The following ANKRD30A variants were observed in gnomAD, a reference collection of about 807,000 sequenced individuals.
ANKRD30A encodes the protein ankyrin repeat domain-containing protein 30A.
A neutral mutation model predicts 166.3 loss-of-function variants in ANKRD30A; 170 were observed. The ratio of observed to expected loss-of-function variants is 1.02; its 90% CI spans 0.90 to 1.16. ANKRD30A has a LOEUF of 1.16. ANKRD30A is among the 50% of genes most tolerant of loss of function. The probability of loss-of-function intolerance (pLI) is 0.00; values close to 1 mark genes in which losing one functional copy is unlikely to be tolerated. For missense variants in ANKRD30A, 1,630 were observed against 1,518.0 expected, an observed-to-expected ratio of 1.07 and a Z score of -1.23; for synonymous variants, 564 against 508.9, an observed-to-expected ratio of 1.11 and a Z score of -1.46.
At chr10:37,252,967 A>G in the ANKRD30A span, among the ~76,000 whole-genome samples, 256 of 152,334 alleles carry the variant, frequency 1.7e-3, 1 homozygote, top group Non-Finnish European at 2.8e-3. Flanking sequence ...TAGTCTAAGA[A>G]TCAACCAGCA....
chr10:37,229,511 A>C (rs1348463971), intron 34 of ANKRD30A, among the ~76,000 whole-genome samples: 1 of 151,978 alleles, frequency 6.6e-6, no homozygotes, highest in African/African-American at 2.4e-5. Context: ...GAACATTTCC[A>C]ATCCTCTCTT....
intron 33 of ANKRD30A, 81 bp downstream of exon 33, chr10:37,217,959 T>C (rs1255455108): frequency 2.9e-6 from 3 of 1,043,004 alleles, no homozygotes; most frequent in Non-Finnish European, 3.9e-6. Context: ...TGATTTAGTA[T>C]GTATTATTCA....
chr10:37,248,382 C>G, the ANKRD30A span: 2 of 322,216 alleles, frequency 6.2e-6, no homozygotes, highest in Non-Finnish European at 1.2e-5. Flanking sequence ...CATCCCAGCA[C>G]ACACAGCAAG....
rs2132534532 is a variant in ANKRD30A, at chr10:37,142,225, A to G, written c.1328A>G (p.Glu443Gly). 6.2e-7 allele frequency: 1 copy of G among 1,608,240 alleles called. No individual in the cohort carries two copies. The highest frequency in any genetic ancestry group is 1.7e-5 in the Admixed American group (1 of 58,542). ...RVTSNKTKVL[E>G]KGRSKMIACP... The stretch of plus-strand genomic sequence containing the variant: ...ACATCTAATAAAACTAAAGTTTTGG[A>G]AAAAGGAAGATCTAAGATGATTGCA... Residue 443 changes from glutamate to glycine, a missense_variant, in exon 7 of 36, where the codon GAA becomes GGA. Glu to Gly is a moderately conservative substitution (Grantham distance 98, BLOSUM62 -2). Transcript: ENST00000361713.
At chr10:37,165,217 G>A in intron 18 of ANKRD30A, 62 bp downstream of exon 18, 1 of 1,464,500 alleles carries the variant, frequency 6.8e-7, no homozygotes, top group African/African-American at 1.4e-5. Flanking sequence ...CATAAAATCA[G>A]ATGCTTAGTC....
At chr10:37,232,695 A>ATATATATATAT (rs1564604874), downstream of ANKRD30A, 50 of 10,782 alleles carry the variant, frequency 4.6e-3, 1 homozygote, top group African/African-American at 9.9e-3. Flanking sequence ...TATATATATA[A>ATATATATATAT]ATAGAGAGAG....
chr10:37,210,976 T>A (rs1842276590), intron 31 of ANKRD30A, among the ~76,000 whole-genome samples: 1 of 152,118 alleles, frequency 6.6e-6, no homozygotes, highest in Admixed American at 6.6e-5. Context: ...TTGAATTAAG[T>A]CCCATTTGTC....
chr10:37,196,099 T>A (rs1228796678), intron 27 of ANKRD30A, among the ~76,000 whole-genome samples: 28 of 148,400 alleles, frequency 1.9e-4, no homozygotes, highest in South Asian at 1.3e-3. Flanking sequence ...TTCTATTTTT[T>A]TTTTTTTTTT....
chr10:37,148,718 A>G (rs1032087437), intron 9 of ANKRD30A, among the ~76,000 whole-genome samples: 3 of 152,066 alleles, frequency 2.0e-5, no homozygotes, highest in Non-Finnish European at 2.9e-5. Flanking sequence ...ATCAGGCATG[A>G]CAAATATATA....
In ANKRD30A at chr10:37,178,326, C is replaced by T. The variant is rs201159087; in HGVS notation, c.2421+2108C>T. ...ATAGGTGAGAATAAGCATATCTGCA[C>T]GGCCACACATGTATATAAATTGTCA... On this transcript the variant is annotated intron_variant, in intron 24 of 35. Transcript: ENST00000361713. Among the ~76,000 whole-genome samples the T allele has an allele frequency of 9.0e-3, 1,363 of 150,608 alleles. 98 individuals are homozygous for T. The highest frequency in any genetic ancestry group is 0.075 in the East Asian group (367 of 4,886).
At chr10:37,261,453 A>C in the ANKRD30A span, among the ~76,000 whole-genome samples, 1 of 152,168 alleles carries the variant, frequency 6.6e-6, no homozygotes, top group Non-Finnish European at 1.5e-5. Flanking sequence ...CTTTTTATTG[A>C]TCTGTAATCC....
At chr10:37,162,890 T>C (rs774204535) in intron 17 of ANKRD30A, 42 bp downstream of exon 17, 2 of 1,594,886 alleles carry the variant, frequency 1.3e-6, no homozygotes, top group South Asian at 2.2e-5. Flanking sequence ...AATATTTCAA[T>C]ATTGGACATT....
intron 34 of ANKRD30A, among the ~76,000 whole-genome samples, chr10:37,229,712 G>A (rs1843328793): frequency 6.6e-6 from 1 of 151,770 alleles, no homozygotes; most frequent in Admixed American, 6.6e-5. Flanking sequence ...GACTTATAAG[G>A]AAACAAATAT....
At chr10:37,183,870 C>T (rs1328598980) in intron 24 of ANKRD30A, among the ~76,000 whole-genome samples, 4 of 148,654 alleles carry the variant, frequency 2.7e-5, no homozygotes, top group Non-Finnish European at 3.0e-5. Flanking sequence ...AAATGGTGAC[C>T]GGGTGCGGTG....
At chr10:37,158,316 G>A in intron 13 of ANKRD30A, 76 bp from the exon 14 acceptor site, 1 of 1,532,804 alleles carries the variant, frequency 6.5e-7, no homozygotes, top group Non-Finnish European at 9.0e-7. Flanking sequence ...TCATCTTCAT[G>A]TTCACACTGT....
chr10:37,212,531 A>G (rs541214862), intron 31 of ANKRD30A, among the ~76,000 whole-genome samples: 8 of 152,092 alleles, frequency 5.3e-5, no homozygotes, highest in African/African-American at 1.7e-4. Context: ...TAAAGTTCAT[A>G]TGGAACCAAA....
rs1843413704 is a variant in ANKRD30A at position 37,231,531 on chromosome 10, A to G, written c.*62A>G. 1 of 1,430,030 alleles carries G rather than the reference A, an allele frequency of 7.0e-7. No individual in the cohort carries two copies. The highest frequency in any genetic ancestry group is 9.6e-7 in the Non-Finnish European group (1 of 1,043,356). 88.6% of individuals were successfully genotyped at this position (1,430,030 alleles called of 1,614,324 possible). A position where few individuals can be genotyped will look rare whatever the true frequency, so the allele number is the denominator to read the frequency against. The stretch of plus-strand genomic sequence containing the variant: ...CAGACCAGATCTTTACTCACAACTC[A>G]TGCTAGGAGGCCAGTCCTAGCATCA... On this transcript the variant is annotated 3_prime_UTR_variant, in exon 35 of 36. Transcript: ENST00000361713.
chr10:37,144,676 T>C (rs943164025), intron 7 of ANKRD30A, among the ~76,000 whole-genome samples: 24 of 152,302 alleles, frequency 1.6e-4, no homozygotes, highest in African/African-American at 5.8e-4. Context: ...TAAAGTTATC[T>C]GAGTGAACAG....
intron 19 of ANKRD30A, among the ~76,000 whole-genome samples, chr10:37,167,352 T>C (rs1270675131): frequency 1.3e-5 from 2 of 148,960 alleles, no homozygotes; most frequent in African/African-American, 5.1e-5. Flanking sequence ...GAATAAGATA[T>C]ACTTGAATGT....
Sources: allele counts gnomAD v4.1 joint callset (sites outside exome capture counted in the v4.1 genomes callset), GRCh38; gene constraint gnomAD v4.1.1; transcripts MANE v1.5; gene names NCBI Gene and HGNC (gene_info 2026-07-23, HGNC 2026-07-21).